BRINP3: variants seen among roughly 807,000 people sequenced by gnomAD.
BRINP3 encodes BMP/retinoic acid-inducible neural-specific protein 3.
Under a neutral mutation model 71.0 loss-of-function variants are expected in BRINP3, and 19 were observed. The observed-to-expected ratio is 0.27, with a 90% CI of 0.19 to 0.39. The LOEUF is 0.39. Among genes scored for constraint, BRINP3 ranks in the 10% least tolerant of loss-of-function variants. The pLI is 1.00. For missense variants in BRINP3, 959 were observed against 940.8 expected, an observed-to-expected ratio of 1.02 and a Z score of -0.25; for synonymous variants, 380 against 337.7, an observed-to-expected ratio of 1.13 and a Z score of -1.37.
chr1:190,185,103 G>T (rs1257899386), intron 6 of BRINP3, among the ~76,000 whole-genome samples: 1 of 152,012 alleles, frequency 6.6e-6, no homozygotes, highest in African/African-American at 2.4e-5. Flanking sequence ...TAATGAACAT[G>T]TAGGACTGCA....
chr1:190,116,214 A>G lies in BRINP3; in HGVS notation c.1185-17080T>C, dbSNP rs768870673. Among the ~76,000 whole-genome samples, 154 of 152,062 alleles carry G rather than the reference A, an allele frequency of 1.0e-3. 2 individuals carry two copies. Among genetic ancestry groups the G allele is most frequent in the Non-Finnish European group, 2.0e-3 (133 of 67,960 alleles). On this transcript the variant is annotated intron_variant, in intron 7 of 7. Transcript: ENST00000367462. ...AATAAATGTCATGTAATTCCTGAAA[A>G]ATACTAATTGAAAGTATCTGCCTTT...
rs941330907 is a variant in BRINP3 at position 190,424,402 on chromosome 1, T to C, written c.236+30253A>G. Among the ~76,000 whole-genome samples, 6 of 151,644 alleles carry C rather than the reference T, an allele frequency of 4.0e-5. No homozygotes were observed. In the Admixed American group the frequency reaches 4.0e-4, roughly 10 times the overall value. ...ACAACCTGATGTTGACAGAGGAGCA[T>C]TTTAAAATTGGAGGTAGAGTCTTTG... On this transcript the variant is annotated intron_variant, in intron 2 of 7. Coordinates refer to ENST00000367462, the MANE Select transcript of BRINP3 (RefSeq NM_199051.3).
chr1:190,342,900 G>T (rs968647822), intron 2 of BRINP3: 1 of 151,718 alleles, frequency 6.6e-6, no homozygotes, highest in African/African-American at 2.4e-5. Flanking sequence ...AATAAATACA[G>T]AATTTTCTTA....
chr1:190,109,878 C>T (rs1217905004), intron 7 of BRINP3, among the ~76,000 whole-genome samples: 2 of 152,310 alleles, frequency 1.3e-5, no homozygotes, highest in African/African-American at 4.8e-5. Flanking sequence ...TTCTCTGGTT[C>T]AGAGGCTTTC....
chr1:190,455,080 C>A (rs562162446), intron 1 of BRINP3, 140 bp from the exon 2 acceptor site: 13 of 495,846 alleles, frequency 2.6e-5, no homozygotes, highest in African/African-American at 2.3e-4. Context: ...AAAATACAAA[C>A]CAAAATTATT....
At chr1:190,139,708 T>C (rs1655271964) in intron 7 of BRINP3, among the ~76,000 whole-genome samples, 1 of 152,100 alleles carries the variant, frequency 6.6e-6, no homozygotes, top group Admixed American at 6.5e-5. Flanking sequence ...TGCTGAATGA[T>C]ATACAGAGTT....
chr1:190,186,103 C>T (rs1653494701), intron 6 of BRINP3, among the ~76,000 whole-genome samples: 1 of 151,936 alleles, frequency 6.6e-6, no homozygotes, highest in Non-Finnish European at 1.5e-5. Context: ...AGGCTGGTCA[C>T]GGTGGCTGAA....
intron 6 of BRINP3, among the ~76,000 whole-genome samples, chr1:190,184,386 T>G (rs1653316384): frequency 6.6e-6 from 1 of 152,130 alleles, no homozygotes; most frequent in Admixed American, 6.6e-5. Context: ...ATTGTTTATA[T>G]ACCCAAAAGG....
chr1:190,268,611 A>G (rs1661848217), intron 3 of BRINP3, among the ~76,000 whole-genome samples: 1 of 152,132 alleles, frequency 6.6e-6, no homozygotes, highest in Non-Finnish European at 1.5e-5. Context: ...AAACACTTAA[A>G]CTATGTTTAT....
chr1:190,264,500 T>G (rs1558124027), intron 4 of BRINP3, among the ~76,000 whole-genome samples: 1 of 152,146 alleles, frequency 6.6e-6, no homozygotes, highest in Non-Finnish European at 1.5e-5. Flanking sequence ...AGAATAGTAT[T>G]TTTAAGTGGG....
chr1:190,281,850 T>A, intron 2 of BRINP3, 100 bp from the exon 3 acceptor site: 1 of 1,030,892 alleles, frequency 9.7e-7, no homozygotes, highest in South Asian at 1.7e-5. Context: ...ACAATGTCTC[T>A]TGCTTGTAAT....
chr1:190,121,431 A>C (rs1653649686), intron 7 of BRINP3, among the ~76,000 whole-genome samples: 1 of 152,186 alleles, frequency 6.6e-6, no homozygotes, highest in Non-Finnish European at 1.5e-5. Flanking sequence ...TAAAACAAAG[A>C]CTACATAGTG....
intron 7 of BRINP3, among the ~76,000 whole-genome samples, chr1:190,125,122 C>T (rs1653979922): frequency 1.3e-5 from 2 of 151,726 alleles, no homozygotes; most frequent in South Asian, 4.2e-4. Context: ...AGAACAAGGC[C>T]TCAAATGTAA....
chr1:190,293,763 T>C (rs1484168501), intron 2 of BRINP3, among the ~76,000 whole-genome samples: 2 of 152,196 alleles, frequency 1.3e-5, no homozygotes, highest in South Asian at 2.1e-4. Flanking sequence ...CTTTTATCAT[T>C]ATACAGTGAA....
At chr1:190,184,759 C>G (rs549100356) in intron 6 of BRINP3, among the ~76,000 whole-genome samples, 7 of 152,020 alleles carry the variant, frequency 4.6e-5, no homozygotes, top group African/African-American at 1.7e-4. Flanking sequence ...GGGAGGGAGA[C>G]AAGATTTGGA....
chr1:190,427,439 A>G (rs1432411991), intron 2 of BRINP3, among the ~76,000 whole-genome samples: 1 of 152,046 alleles, frequency 6.6e-6, no homozygotes, highest in Non-Finnish European at 1.5e-5. Flanking sequence ...CCTTTCAACA[A>G]TAACCACTCT....
intron 7 of BRINP3, among the ~76,000 whole-genome samples, chr1:190,126,176 G>C (rs1474666036): frequency 1.3e-5 from 2 of 151,924 alleles, no homozygotes; most frequent in African/African-American, 4.8e-5. Context: ...AAAAATGCAA[G>C]TTGGCTTGAC....
rs553670519 is a variant in BRINP3 at position 190,098,133 on chromosome 1, C to T, written c.2186G>A (p.Arg729His). 6.8e-6 allele frequency: 11 copies of T among 1,613,984 alleles called. No individual in the cohort carries two copies. The highest frequency in any genetic ancestry group is 9.3e-6 in the Non-Finnish European group (11 of 1,180,018). ...RRLDLFSCLL[R>H]HRLKLSTSEV... ...ACTAGTAGACAGCTTGAGTCTATGA[C>T]GAAGCAAGCAAGAGAAAAGATCTAG... is the stretch of plus-strand genomic sequence containing the variant. The change falls in exon 8 of 8, where the codon CGT becomes CAT. Residue 729 changes from arginine to histidine, a missense_variant. Coordinates refer to ENST00000367462, the MANE Select transcript of BRINP3 (RefSeq NM_199051.3).
chr1:190,259,873 A>C (rs1255217904), intron 4 of BRINP3, among the ~76,000 whole-genome samples: 1 of 151,640 alleles, frequency 6.6e-6, no homozygotes, highest in Non-Finnish European at 1.5e-5. Context: ...TACTTAAAAT[A>C]CAAAAATTAG....
Sources: gnomAD v4.1 joint callset for allele counts (sites outside exome capture counted in the v4.1 genomes callset) on GRCh38, gnomAD v4.1.1 for gene constraint, MANE v1.5 for transcripts, NCBI Gene and HGNC (gene_info 2026-07-23, HGNC 2026-07-21) for gene names.